Variants in MEGF9 observed in about 807,000 individuals in gnomAD.
The protein encoded by MEGF9 is multiple epidermal growth factor-like domains protein 9.
In MEGF9, 6 loss-of-function variants were observed where a neutral mutation model predicts 46.8. The ratio of observed to expected loss-of-function variants is 0.13; its 90% confidence interval spans 0.07 to 0.25. MEGF9 has a LOEUF of 0.25. Ranked by LOEUF, MEGF9 falls within the 10% of genes least tolerant of loss-of-function variation. MEGF9 has a pLI of 1.00. For synonymous variants in MEGF9, 302 were observed against 330.7 expected (o/e 0.91, Z 0.94); for missense variants, 683 against 792.4 (o/e 0.86, Z 1.66).
At chr9:120,646,909 A>G (rs1482388034) in intron 2 of MEGF9, among the ~76,000 whole-genome samples, 2 of 152,168 alleles carry the variant, frequency 1.3e-5, no homozygotes, top group Non-Finnish European at 2.9e-5. Context: ...ATTCAACTAC[A>G]GATTTAGAGG....
chr9:120,682,704 T>C (rs545991744), intron 1 of MEGF9, among the ~76,000 whole-genome samples: 137 of 152,256 alleles, frequency 9.0e-4, no homozygotes, highest in African/African-American at 3.2e-3. Flanking sequence ...TACCTCAGCG[T>C]CCCGAGTAGC....
At chr9:120,711,869 A>ACACACACACACACACC (rs1205420778) in intron 1 of MEGF9, among the ~76,000 whole-genome samples, 1 of 149,834 alleles carries the variant, frequency 6.7e-6, no homozygotes, top group African/African-American at 2.5e-5. Context: ...ACACACACAC[A>ACACACACACACACACC]CACCCACAGG....
At chr9:120,652,311 C>A (rs1018300571) in intron 2 of MEGF9, among the ~76,000 whole-genome samples, 1 of 150,234 alleles carries the variant, frequency 6.7e-6, no homozygotes, top group Non-Finnish European at 1.5e-5. Context: ...CATGGTAAAA[C>A]CCTGTCTCTA....
chr9:120,639,151 G>A (rs2043591367), intron 2 of MEGF9, among the ~76,000 whole-genome samples: 2 of 152,194 alleles, frequency 1.3e-5, no homozygotes, highest in East Asian at 3.9e-4. Flanking sequence ...TAATCCAGTT[G>A]AATGTATAAA....
At chr9:120,620,658 G>A (rs7020741) in intron 3 of MEGF9, among the ~76,000 whole-genome samples, 6,265 of 152,192 alleles carry the variant, frequency 0.041, 426 homozygotes, top group African/African-American at 0.14. Flanking sequence ...TAATAAGGCA[G>A]AGGGGTCAAG....
intron 2 of MEGF9, among the ~76,000 whole-genome samples, chr9:120,630,762 G>A (rs2043546954): frequency 6.6e-6 from 1 of 152,174 alleles, no homozygotes. Flanking sequence ...GATGATTAGT[G>A]ATGTTGAGTA....
intron 2 of MEGF9, among the ~76,000 whole-genome samples, chr9:120,630,065 C>A (rs2043543969): frequency 6.6e-6 from 1 of 151,982 alleles, no homozygotes; most frequent in South Asian, 2.1e-4. Flanking sequence ...GCCTTTTTTG[C>A]TATTATTTTT....
chr9:120,670,763 A>T (rs2043745430), intron 1 of MEGF9, among the ~76,000 whole-genome samples: 1 of 151,988 alleles, frequency 6.6e-6, no homozygotes, highest in Admixed American at 6.6e-5. Context: ...TCTTTATCAC[A>T]TCCTCTCCCA....
In MEGF9 at chr9:120,659,358, A is replaced by AC; in HGVS notation, c.803+15dup. 1.9e-6 allele frequency: 3 copies of AC among 1,608,788 alleles called. No homozygotes were observed. The highest frequency in any genetic ancestry group is 2.5e-6 in the Non-Finnish European group (3 of 1,177,232). On this transcript the variant is annotated intron_variant, in intron 2 of 5. Coordinates refer to ENST00000373930, the MANE Select transcript of MEGF9 (RefSeq NM_001080497.3). Reference sequence around the variant, plus strand: ...CTAAAATAAAATAAACTTCAGTTCCACCCTCTGTTGCTTACCTGTTGCACG... The same window carrying AC: ...CTAAAATAAAATAAACTTCAGTTCCACCCCTCTGTTGCTTACCTGTTGCACG...
At position 120,606,160 on chromosome 9, in the gene MEGF9, G is replaced by T. The variant is rs527690878; in HGVS notation, c.1358-519C>A. 4.0e-4 allele frequency among the ~76,000 whole-genome samples: 56 copies of T among 140,524 alleles called. 1 individual carries two copies. Among genetic ancestry groups the T allele is most frequent in the African/African-American group, 1.4e-3 (52 of 37,180 alleles). 92.2% of individuals were successfully genotyped at this position (140,524 alleles called of 152,430 possible). Reference sequence around the variant, plus strand: ...CACTCCAGCCTCGGTGACAGAGCGAGACTCTGTCTCAAAAAAAAAAAAAAA... The same window carrying T: ...CACTCCAGCCTCGGTGACAGAGCGATACTCTGTCTCAAAAAAAAAAAAAAA... On this transcript the variant is annotated intron_variant, in intron 5 of 5. Coordinates refer to ENST00000373930, the MANE Select transcript of MEGF9 (RefSeq NM_001080497.3).
At chr9:120,659,648 T>C in intron 1 of MEGF9, 73 bp from the exon 2 acceptor site, 4 of 1,207,184 alleles carry the variant, frequency 3.3e-6, no homozygotes, top group Admixed American at 2.9e-5. Context: ...AACTCTATTT[T>C]ATTTTTCTTA....
chr9:120,690,742 G>A (rs898929237), intron 1 of MEGF9, among the ~76,000 whole-genome samples: 2 of 152,034 alleles, frequency 1.3e-5, no homozygotes, highest in Non-Finnish European at 2.9e-5. Flanking sequence ...ACCCTCTGCT[G>A]GAGACCAAAA....
At chr9:120,677,648 G>A (rs913224711) in intron 1 of MEGF9, among the ~76,000 whole-genome samples, 3 of 152,112 alleles carry the variant, frequency 2.0e-5, no homozygotes, top group African/African-American at 7.2e-5. Context: ...TTATTCAAAT[G>A]CACTCTCATA....
At position 120,710,964 on chromosome 9, in the gene MEGF9, G is replaced by A. The variant is rs10984991; in HGVS notation, c.601+2794C>T. 5.4e-3 allele frequency among the ~76,000 whole-genome samples: 819 copies of A among 152,296 alleles called. 9 individuals are homozygous for A. In the East Asian group the frequency reaches 0.054, roughly 10 times the overall value. Reference sequence around the variant, plus strand: ...ATATTTAAAACACAGGAAAGTTATCGAAATTGGACATCCTTCCAAGATTTT... The same window carrying A: ...ATATTTAAAACACAGGAAAGTTATCAAAATTGGACATCCTTCCAAGATTTT... On this transcript the variant is annotated intron_variant, in intron 1 of 5. Transcript: ENST00000373930.
intron 1 of MEGF9, among the ~76,000 whole-genome samples, chr9:120,662,760 C>T (rs763672729): frequency 3.3e-5 from 5 of 152,152 alleles, no homozygotes; most frequent in African/African-American, 7.2e-5. Context: ...GATTCACAGG[C>T]TATAGCTTCG....
At chr9:120,681,831 T>C (rs1486105622) in intron 1 of MEGF9, among the ~76,000 whole-genome samples, 3 of 152,186 alleles carry the variant, frequency 2.0e-5, no homozygotes, top group African/African-American at 7.2e-5. Flanking sequence ...AAACTGAATT[T>C]GAATAACTTG....
intron 4 of MEGF9, among the ~76,000 whole-genome samples, chr9:120,609,452 A>T (rs2043434874): frequency 6.6e-6 from 1 of 152,208 alleles, no homozygotes; most frequent in Non-Finnish European, 1.5e-5. Context: ...TTGAAATTGT[A>T]ATTACCTAGT....
intron 1 of MEGF9, among the ~76,000 whole-genome samples, chr9:120,678,193 T>C (rs1484235603): frequency 6.6e-6 from 1 of 152,214 alleles, no homozygotes; most frequent in African/African-American, 2.4e-5. Context: ...CATTAGTCTG[T>C]TGATGGATAC....
chr9:120,652,558 C>A (rs2043658194), intron 2 of MEGF9, among the ~76,000 whole-genome samples: 1 of 147,958 alleles, frequency 6.8e-6, no homozygotes, highest in Admixed American at 6.7e-5. Context: ...AGTTATTGAG[C>A]TGAATCTACG....
Sources: allele counts gnomAD v4.1 joint callset (sites outside exome capture counted in the v4.1 genomes callset), GRCh38; gene constraint gnomAD v4.1.1; transcripts MANE v1.5; gene names NCBI Gene and HGNC (gene_info 2026-07-23, HGNC 2026-07-21).